MYO1E: variants seen among roughly 807,000 people sequenced by gnomAD.
The protein encoded by MYO1E is myosin IE, also known as unconventional myosin-Ie.
A neutral mutation model predicts 151.1 loss-of-function variants in MYO1E; 68 were observed. The ratio of observed to expected loss-of-function variants is 0.45; its 90% confidence interval spans 0.37 to 0.55. The LOEUF (loss-of-function observed/expected upper bound fraction) is 0.55, where lower values mean the gene tolerates loss of function less well. MYO1E is among the 20% of genes least tolerant of loss of function. MYO1E has a pLI of 0.00. For missense variants in MYO1E, 1,363 were observed against 1,389.3 expected (o/e 0.98, Z 0.30); for synonymous variants, 601 against 501.7 (o/e 1.20, Z -2.64).
chr15:59,223,615 C>T (rs1017340661), intron 8 of MYO1E, among the ~76,000 whole-genome samples: 5 of 152,316 alleles, frequency 3.3e-5, no homozygotes, highest in African/African-American at 1.2e-4. Context: ...CCTCGAAGGT[C>T]GCTGCTGACC....
intron 1 of MYO1E, among the ~76,000 whole-genome samples, chr15:59,280,772 A>G (rs1156883815): frequency 2.0e-5 from 3 of 152,108 alleles, no homozygotes; most frequent in Non-Finnish European, 4.4e-5. Flanking sequence ...GGCGCATGAC[A>G]TTTACTAAGG....
At chr15:59,233,325 T>C (rs945663141) in intron 5 of MYO1E, among the ~76,000 whole-genome samples, 2 of 152,154 alleles carry the variant, frequency 1.3e-5, no homozygotes, top group Non-Finnish European at 2.9e-5. Context: ...TTTTGTGGCA[T>C]GTGGCGGGCA....
At chr15:59,311,629 T>C (rs2080552693) in intron 1 of MYO1E, among the ~76,000 whole-genome samples, 1 of 152,144 alleles carries the variant, frequency 6.6e-6, no homozygotes. Context: ...TCTCTGGCAC[T>C]ATATATCAGG....
intron 6 of MYO1E, 117 bp from the exon 7 acceptor site, chr15:59,227,707 A>G: frequency 7.4e-7 from 1 of 1,357,916 alleles, no homozygotes; most frequent in Admixed American, 1.7e-5. Flanking sequence ...CACATTCTGA[A>G]TTACTCCTAA....
intron 2 of MYO1E, among the ~76,000 whole-genome samples, chr15:59,271,420 T>G (rs1383990588): frequency 6.6e-6 from 1 of 152,238 alleles, no homozygotes; most frequent in Admixed American, 6.5e-5. Flanking sequence ...GTTAAACTTT[T>G]TGGTACTATT....
chr15:59,248,127 CAAAAAAAAAAAAAA>C (rs138467126), intron 4 of MYO1E, among the ~76,000 whole-genome samples: 7 of 35,890 alleles, frequency 2.0e-4, no homozygotes, highest in Non-Finnish European at 3.4e-4. Flanking sequence ...GACTCCGTCT[CAAAAAAAAAAAAAA>C]AAAAAAAAAA....
At chr15:59,230,862 C>T (rs969245404) in intron 6 of MYO1E, among the ~76,000 whole-genome samples, 1 of 152,156 alleles carries the variant, frequency 6.6e-6, no homozygotes, top group African/African-American at 2.4e-5. Context: ...CAGATGGCTC[C>T]GTGAATGCTT....
At chr15:59,236,361 A>ATAT (rs1232657278) in intron 5 of MYO1E, among the ~76,000 whole-genome samples, 8 of 66,760 alleles carry the variant, frequency 1.2e-4, no homozygotes, top group African/African-American at 3.3e-4. Context: ...AGAAAAAAAA[A>ATAT]AAATATATAC....
In MYO1E at chr15:59,354,449, CAGCAAA is replaced by C. The variant is rs540792303; in HGVS notation, c.3+18043_3+18048del. 3.9e-3 allele frequency among the ~76,000 whole-genome samples: 590 copies of C among 152,302 alleles called. 2 individuals are homozygous for C. Among genetic ancestry groups the C allele is most frequent in the Non-Finnish European group, 6.2e-3 (420 of 68,022 alleles). ...TGAATCTAGCAGTGATCTTTCATAT[CAGCAAA>C]AGCAGCCTAACCACTCCCCCACAAA... On this transcript the variant is annotated intron_variant, in intron 1 of 27. Transcript: ENST00000288235.
chr15:59,323,098 G>C (rs1175448966), intron 1 of MYO1E, among the ~76,000 whole-genome samples: 1 of 148,436 alleles, frequency 6.7e-6, no homozygotes, highest in African/African-American at 2.5e-5. Context: ...GAACCCAGGA[G>C]GCAGAGCTTG....
At chr15:59,348,364 T>C (rs983866255) in intron 1 of MYO1E, among the ~76,000 whole-genome samples, 3 of 152,132 alleles carry the variant, frequency 2.0e-5, no homozygotes, top group Non-Finnish European at 4.4e-5. Flanking sequence ...ATGGCAAAAA[T>C]ACATCCTGAT....
chr15:59,325,791 A>G (rs1433987656), intron 1 of MYO1E, among the ~76,000 whole-genome samples: 1 of 152,134 alleles, frequency 6.6e-6, no homozygotes, highest in Non-Finnish European at 1.5e-5. Flanking sequence ...TGGCATCTGT[A>G]GTGCTCAATG....
intron 18 of MYO1E, among the ~76,000 whole-genome samples, chr15:59,184,131 C>T (rs1213534218): frequency 2.0e-5 from 3 of 152,122 alleles, no homozygotes; most frequent in Admixed American, 1.3e-4. Context: ...CTCAGCCTCC[C>T]GAGTATCTGG....
chr15:59,372,686 C>G lies in MYO1E; in HGVS notation c.-186G>C, dbSNP rs913064086. 3 of 700,470 alleles carry G rather than the reference C, an allele frequency of 4.3e-6. No individual in the cohort carries two copies. The highest frequency in any genetic ancestry group is 1.9e-5 in the African/African-American group (1 of 53,652). The allele number at this position is 700,470 out of a possible 1,614,324, so 43.4% of individuals were successfully genotyped here. A position where few individuals can be genotyped will look rare whatever the true frequency, so the allele number is the denominator to read the frequency against. ...CTCCATCCAGGCGGGATTGGCGGTGCTAGGTGAGGGCGAGACGGCGGCGAC... is the reference window on the plus strand; with the variant it reads ...CTCCATCCAGGCGGGATTGGCGGTGGTAGGTGAGGGCGAGACGGCGGCGAC... On this transcript the variant is annotated 5_prime_UTR_variant, in exon 1 of 28. Coordinates refer to ENST00000288235, the MANE Select transcript of MYO1E (RefSeq NM_004998.4).
intron 12 of MYO1E, among the ~76,000 whole-genome samples, chr15:59,212,939 T>C (rs1475820790): frequency 6.8e-6 from 1 of 147,936 alleles, no homozygotes; most frequent in Non-Finnish European, 1.5e-5. Context: ...AGAGGAAGGA[T>C]TCTCCCCTCT....
At chr15:59,152,745 T>C (rs1297354664) in intron 26 of MYO1E, among the ~76,000 whole-genome samples, 1 of 152,160 alleles carries the variant, frequency 6.6e-6, no homozygotes, top group East Asian at 1.9e-4. Flanking sequence ...AAACAGCAGG[T>C]CCAGTGTTAG....
At chr15:59,208,076 T>C (rs2079852333) in intron 14 of MYO1E, 1 of 1,574,314 alleles carries the variant, frequency 6.4e-7, no homozygotes, top group Non-Finnish European at 8.6e-7. Context: ...CAGAATAAGC[T>C]TAAGCTTTAA....
chr15:59,337,382 T>C (rs2080735588), intron 1 of MYO1E, among the ~76,000 whole-genome samples: 1 of 152,256 alleles, frequency 6.6e-6, no homozygotes, highest in African/African-American at 2.4e-5. Flanking sequence ...CTGAGCTTGA[T>C]TGTGATTTTT....
chr15:59,232,958 G>A (rs1051132228), intron 5 of MYO1E, among the ~76,000 whole-genome samples: 1 of 151,960 alleles, frequency 6.6e-6, no homozygotes, highest in South Asian at 2.1e-4. Context: ...TGGCACCAAG[G>A]GCAATTCTGG....
Sources: gnomAD v4.1 joint callset for allele counts (sites outside exome capture counted in the v4.1 genomes callset) on GRCh38, gnomAD v4.1.1 for gene constraint, MANE v1.5 for transcripts, NCBI Gene and HGNC (gene_info 2026-07-23, HGNC 2026-07-21) for gene names.